RNF24: variants seen among roughly 807,000 people sequenced by gnomAD.
RNF24 encodes the protein ring finger protein 24.
Under a neutral mutation model 20.0 loss-of-function variants are expected in RNF24, and 14 were observed. That is an observed-to-expected ratio of 0.70 (90% CI 0.46 to 1.10). The LOEUF (loss-of-function observed/expected upper bound fraction) is 1.10. Ranked by LOEUF, RNF24 falls within the 50% of genes least tolerant of loss-of-function variation. The pLI is 0.00. For missense variants in RNF24, 124 were observed against 177.6 expected (o/e 0.70, Z 1.71); for synonymous variants, 45 against 61.1 (o/e 0.74, Z 1.23).
At chr20:3,957,943 A>G (rs2091161206) in intron 2 of RNF24, among the ~76,000 whole-genome samples, 2 of 152,154 alleles carry the variant, frequency 1.3e-5, no homozygotes, top group Non-Finnish European at 2.9e-5. Flanking sequence ...TAATCCTTCT[A>G]TCTATTCATG....
chr20:3,970,640 A>C (rs1464240546), intron 1 of RNF24, among the ~76,000 whole-genome samples: 1 of 152,226 alleles, frequency 6.6e-6, no homozygotes, highest in African/African-American at 2.4e-5. Flanking sequence ...AACAGAAGAT[A>C]TAAAGAGGAA....
intron 2 of RNF24, among the ~76,000 whole-genome samples, chr20:3,952,028 A>G (rs1487614377): frequency 6.6e-6 from 1 of 152,058 alleles, no homozygotes; most frequent in African/African-American, 2.4e-5. Context: ...CTTTCTCTTA[A>G]TACTGTTGCT....
intron 4 of RNF24, among the ~76,000 whole-genome samples, chr20:3,938,297 T>TATA (rs1368403026): frequency 6.6e-6 from 1 of 152,244 alleles, no homozygotes; most frequent in Non-Finnish European, 1.5e-5. Flanking sequence ...GTTCTTTATA[T>TATA]ATTTTAGACT....
intron 1 of RNF24, among the ~76,000 whole-genome samples, chr20:3,964,613 C>G (rs2146990999): frequency 6.6e-6 from 1 of 152,124 alleles, no homozygotes; most frequent in African/African-American, 2.4e-5. Context: ...GTCTTAATCT[C>G]CCGGGCTCAA....
In RNF24 at chr20:3,930,808, CACTGGGGAAAAGGA is replaced by C. The variant is rs937386873; in HGVS notation, c.*3241_*3254del. 5 of 152,294 alleles carry C rather than the reference CACTGGGGAAAAGGA, an allele frequency of 3.3e-5. No individual in the cohort carries two copies. The highest frequency in any genetic ancestry group is 9.6e-5 in the African/African-American group (4 of 41,454). The allele number at this position is 152,294 out of a possible 1,614,324, so 9.4% of individuals were successfully genotyped here. ...TCTCTGATGGATCCAAGGGGCTTGG[CACTGGGGAAAAGGA>C]TCTTCTTGTCAAGAACAGGGTATCC... On this transcript the variant is annotated 3_prime_UTR_variant, in exon 6 of 6. Coordinates refer to ENST00000358395, the MANE Select transcript of RNF24 (RefSeq NM_001134337.3).
chr20:3,999,457 G>T (rs1173772337), intron 1 of RNF24, among the ~76,000 whole-genome samples: 1 of 152,074 alleles, frequency 6.6e-6, no homozygotes, highest in East Asian at 1.9e-4. Flanking sequence ...AATTTTCTTT[G>T]TTTAAAAAAA....
chr20:3,955,214 G>A (rs1404053545), intron 2 of RNF24, among the ~76,000 whole-genome samples: 1 of 152,120 alleles, frequency 6.6e-6, no homozygotes, highest in African/African-American at 2.4e-5. Context: ...TCTTTTTGCT[G>A]TTAAATTTTA....
Position 3,929,411 on chromosome 20 carries a change from G to C in RNF24, c.*4652C>G, listed in dbSNP as rs1424286135. 6.6e-6 allele frequency: 1 copy of C among 152,250 alleles called. No individual in the cohort carries two copies. The highest frequency in any genetic ancestry group is 1.5e-5 in the Non-Finnish European group (1 of 68,084). 9.4% of individuals were successfully genotyped at this position (152,250 alleles called of 1,614,324 possible). On this transcript the variant is annotated 3_prime_UTR_variant, in exon 6 of 6. Coordinates refer to ENST00000358395, the MANE Select transcript of RNF24 (RefSeq NM_001134337.3). ...CCTGTCTCAACAACAACGAAAAGTT[G>C]GGAGGGAAAGGGAGTAGCTCCATGA...
intron 1 of RNF24, among the ~76,000 whole-genome samples, chr20:3,971,478 CCTTCT>C (rs1186092061): frequency 1.3e-5 from 2 of 152,124 alleles, no homozygotes; most frequent in African/African-American, 2.4e-5. Flanking sequence ...CAATAAACTT[CCTTCT>C]CTTGAGTTTT....
At chr20:3,965,932 G>A (rs192734089) in intron 1 of RNF24, among the ~76,000 whole-genome samples, 7 of 152,130 alleles carry the variant, frequency 4.6e-5, no homozygotes, top group Admixed American at 6.5e-5. Context: ...TTAGGAGTTC[G>A]AGACCAGCCT....
At chr20:3,991,396 G>A (rs890855264) in intron 1 of RNF24, among the ~76,000 whole-genome samples, 3 of 151,908 alleles carry the variant, frequency 2.0e-5, no homozygotes, top group African/African-American at 7.3e-5. Flanking sequence ...GGGACTACAG[G>A]CATGTGCCAC....
intron 1 of RNF24, among the ~76,000 whole-genome samples, chr20:4,009,335 G>A (rs951620179): frequency 1.3e-5 from 2 of 152,176 alleles, no homozygotes; most frequent in East Asian, 1.9e-4. Flanking sequence ...GATGGGCAAC[G>A]TCACGGCATA....
intron 1 of RNF24, among the ~76,000 whole-genome samples, chr20:3,998,331 T>G (rs999358157): frequency 6.6e-6 from 1 of 151,922 alleles, no homozygotes; most frequent in Non-Finnish European, 1.5e-5. Context: ...TCCCAGCACT[T>G]TGGGAGGCCA....
chr20:3,942,089 AAAAG>A (rs1422426801), intron 4 of RNF24, among the ~76,000 whole-genome samples: 1 of 151,772 alleles, frequency 6.6e-6, no homozygotes, highest in Non-Finnish European at 1.5e-5. Flanking sequence ...AGAAAAAAAA[AAAAG>A]AAAAGAAAAA....
rs1343249405 is a variant in RNF24, at chr20:3,931,781, GGTGCTGA to G, written c.*2275_*2281del. On this transcript the variant is annotated 3_prime_UTR_variant, in exon 6 of 6. Transcript: ENST00000358395. ...CATCTGGGCAAAGCAGACCCAAGGTGGTGCTGAGTGCAGAGTGCAGAGCATTCTTGTG... is the reference window on the plus strand; with the variant it reads ...CATCTGGGCAAAGCAGACCCAAGGTGGTGCAGAGTGCAGAGCATTCTTGTG... The G allele has an allele frequency of 6.6e-6, 1 of 152,264 alleles. No individual in the cohort carries two copies. Among genetic ancestry groups the G allele is most frequent in the Non-Finnish European group, 1.5e-5 (1 of 68,054 alleles). 9.4% of individuals were successfully genotyped at this position (152,264 alleles called of 1,614,324 possible).
intron 1 of RNF24, among the ~76,000 whole-genome samples, chr20:4,008,400 A>AAT (rs1982098286): frequency 1.4e-5 from 1 of 71,952 alleles, no homozygotes; most frequent in African/African-American, 5.6e-5. Context: ...TTATATATGT[A>AAT]ATATGTATAA....
chr20:3,942,069 A>AT (rs1345465914), intron 4 of RNF24, among the ~76,000 whole-genome samples: 2 of 150,582 alleles, frequency 1.3e-5, no homozygotes, highest in Non-Finnish European at 3.0e-5. Context: ...GCTAGACTCT[A>AT]TCTCAAAAAA....
chr20:4,002,879 T>C (rs914035364), intron 1 of RNF24, among the ~76,000 whole-genome samples: 1 of 152,164 alleles, frequency 6.6e-6, no homozygotes, highest in Non-Finnish European at 1.5e-5. Context: ...TCTAAATGGA[T>C]GGTGGTAGTG....
chr20:3,941,464 G>A (rs2090954404), intron 4 of RNF24, among the ~76,000 whole-genome samples: 1 of 151,902 alleles, frequency 6.6e-6, no homozygotes, highest in South Asian at 2.1e-4. Flanking sequence ...GTAATCCCTA[G>A]AGCAACCACT....
Sources: gnomAD v4.1 joint callset for allele counts (sites outside exome capture counted in the v4.1 genomes callset) on GRCh38, gnomAD v4.1.1 for gene constraint, MANE v1.5 for transcripts, NCBI Gene and HGNC (gene_info 2026-07-23, HGNC 2026-07-21) for gene names.